The following CDKAL1 variants were observed in gnomAD, a reference collection of about 807,000 sequenced individuals.
The protein encoded by CDKAL1 is threonylcarbamoyladenosine tRNA methylthiotransferase.
Under a neutral mutation model 68.2 loss-of-function variants are expected in CDKAL1, and 32 were observed. That is an observed-to-expected ratio of 0.47 (90% confidence interval 0.35 to 0.63). CDKAL1 has a LOEUF of 0.63. CDKAL1 is among the 30% of genes least tolerant of loss of function. The pLI is 0.00. For synonymous variants in CDKAL1, 234 were observed against 244.3 expected (o/e 0.96, Z 0.39); for missense variants, 606 against 696.7 (o/e 0.87, Z 1.47).
At chr6:20,637,130 A>G (rs1767944818) in intron 4 of CDKAL1, among the ~76,000 whole-genome samples, 1 of 152,108 alleles carries the variant, frequency 6.6e-6, no homozygotes, top group African/African-American at 2.4e-5. Context: ...TACCTTGATG[A>G]AAGCAGTTTT....
At chr6:20,959,637 A>C (rs1433975057) in intron 10 of CDKAL1, among the ~76,000 whole-genome samples, 1 of 151,696 alleles carries the variant, frequency 6.6e-6, no homozygotes, top group Non-Finnish European at 1.5e-5. Context: ...AGTTGGTAGT[A>C]ATGTGTTAAT....
chr6:20,602,126 TATA>T (rs768322643), intron 4 of CDKAL1, among the ~76,000 whole-genome samples: 12 of 152,330 alleles, frequency 7.9e-5, no homozygotes, highest in Non-Finnish European at 7.3e-5. Context: ...ATAGCAGTAT[TATA>T]ATACTATTTT....
intron 13 of CDKAL1, among the ~76,000 whole-genome samples, chr6:21,159,421 C>T (rs536966759): frequency 2.6e-5 from 4 of 152,340 alleles, no homozygotes; most frequent in Non-Finnish European, 5.9e-5. Flanking sequence ...CGAATCTGTT[C>T]TTCCAAGGGA....
At chr6:20,585,716 C>T (rs1175614056) in intron 4 of CDKAL1, among the ~76,000 whole-genome samples, 1 of 152,172 alleles carries the variant, frequency 6.6e-6, no homozygotes, top group Non-Finnish European at 1.5e-5. Flanking sequence ...CTGGCTGCCC[C>T]TTCAGTCATC....
At chr6:20,801,759 C>A (rs1776373840) in intron 8 of CDKAL1, among the ~76,000 whole-genome samples, 1 of 152,052 alleles carries the variant, frequency 6.6e-6, no homozygotes, top group Admixed American at 6.6e-5. Flanking sequence ...ATAGTAATCC[C>A]CCTGATTTAT....
intron 11 of CDKAL1, among the ~76,000 whole-genome samples, chr6:21,054,804 A>G (rs1770739895): frequency 6.6e-6 from 1 of 151,908 alleles, no homozygotes; most frequent in African/African-American, 2.4e-5. Flanking sequence ...ATTTTTATAT[A>G]TTGATCTTGT....
intron 11 of CDKAL1, among the ~76,000 whole-genome samples, chr6:21,056,071 G>A (rs1349259256): frequency 6.6e-6 from 1 of 152,086 alleles, no homozygotes; most frequent in Non-Finnish European, 1.5e-5. Context: ...ATTCTGACTG[G>A]TGTGAGATGG....
intron 4 of CDKAL1, among the ~76,000 whole-genome samples, chr6:20,577,683 T>C (rs530492993): frequency 5.5e-4 from 84 of 152,336 alleles, no homozygotes; most frequent in African/African-American, 1.9e-3. Context: ...ACTATTTCCT[T>C]GTCTAGCCCA....
At chr6:20,896,357 C>T (rs2150588455) in intron 9 of CDKAL1, among the ~76,000 whole-genome samples, 1 of 152,246 alleles carries the variant, frequency 6.6e-6, no homozygotes, top group South Asian at 2.1e-4. Context: ...CTTGGCTTCC[C>T]AGAGTGCTGG....
chr6:20,704,236 G>T (rs184696846), intron 5 of CDKAL1, among the ~76,000 whole-genome samples: 6 of 152,256 alleles, frequency 3.9e-5, no homozygotes, highest in Admixed American at 3.9e-4. Flanking sequence ...AATGAAGGAA[G>T]CAAATTTTCT....
At position 20,844,687 on chromosome 6, in the gene CDKAL1, T is replaced by TAA. The variant is rs35541206; in HGVS notation, c.639-1378_639-1377dup. ...CAACATAGCGAGACCCCGTTTCTAT[T>TAA]AAAAAAAAAAAGAAACAGAAAAACA... On this transcript the variant is annotated intron_variant, in intron 8 of 15. Coordinates refer to ENST00000274695, the MANE Select transcript of CDKAL1 (RefSeq NM_017774.3). Among the ~76,000 whole-genome samples the TAA allele has an allele frequency of 8.9e-3, 1,312 of 146,792 alleles. 31 individuals carry two copies. Among genetic ancestry groups the TAA allele is most frequent in the African/African-American group, 0.028 (1,124 of 39,880 alleles).
At chr6:20,967,584 CAG>C (rs1419312896) in intron 10 of CDKAL1, among the ~76,000 whole-genome samples, 1 of 152,160 alleles carries the variant, frequency 6.6e-6, no homozygotes, top group African/African-American at 2.4e-5. Flanking sequence ...CTCAGTAGCA[CAG>C]ACTTATAATT....
At chr6:20,831,081 G>A (rs965523104) in intron 8 of CDKAL1, among the ~76,000 whole-genome samples, 7 of 151,796 alleles carry the variant, frequency 4.6e-5, no homozygotes, top group Non-Finnish European at 8.8e-5. Context: ...AAGTAATTGC[G>A]GTTTCATACC....
chr6:20,583,568 G>A (rs907925983), intron 4 of CDKAL1, among the ~76,000 whole-genome samples: 1 of 152,156 alleles, frequency 6.6e-6, no homozygotes, highest in East Asian at 1.9e-4. Flanking sequence ...ACATTTAGTG[G>A]GAGTGGTGGT....
At position 20,637,122 on chromosome 6, in the gene CDKAL1, C is replaced by T. The variant is rs375546057; in HGVS notation, c.287-12171C>T. Among the ~76,000 whole-genome samples the T allele has an allele frequency of 1.4e-4, 21 of 151,992 alleles. No homozygotes were observed. In the South Asian group the frequency reaches 4.2e-3, roughly 30 times the overall value. On this transcript the variant is annotated intron_variant, in intron 4 of 15. Coordinates refer to ENST00000274695, the MANE Select transcript of CDKAL1 (RefSeq NM_017774.3). ...TGCCAAATGTTTATGGTGTCAGTTA[C>T]CTTGATGAAAGCAGTTTTAGGGACA...
chr6:20,868,776 G>GT (rs1760039465), intron 9 of CDKAL1, among the ~76,000 whole-genome samples: 1 of 152,212 alleles, frequency 6.6e-6, no homozygotes, highest in Non-Finnish European at 1.5e-5. Context: ...ACCCTCTGCG[G>GT]TTTTATCAGC....
chr6:20,758,090 A>T (rs1774302614), intron 6 of CDKAL1, among the ~76,000 whole-genome samples: 1 of 119,176 alleles, frequency 8.4e-6, no homozygotes, highest in African/African-American at 3.1e-5. Flanking sequence ...GTATTATTTG[A>T]CTTTGTATTT....
chr6:21,115,499 G>T (rs906510121), intron 13 of CDKAL1, among the ~76,000 whole-genome samples: 2 of 152,204 alleles, frequency 1.3e-5, no homozygotes, highest in Non-Finnish European at 2.9e-5. Context: ...ACAAGTTATT[G>T]ATTTGGCATG....
At chr6:20,738,767 G>A (rs1015392144) in intron 5 of CDKAL1, among the ~76,000 whole-genome samples, 5 of 152,090 alleles carry the variant, frequency 3.3e-5, no homozygotes, top group Non-Finnish European at 1.5e-5. Context: ...CCAAAGTGTT[G>A]GGATTACAGG....
Sources: gnomAD v4.1 joint callset for allele counts (sites outside exome capture counted in the v4.1 genomes callset) on GRCh38, gnomAD v4.1.1 for gene constraint, MANE v1.5 for transcripts, NCBI Gene and HGNC (gene_info 2026-07-23, HGNC 2026-07-21) for gene names.